RTN3: variants seen among roughly 807,000 people sequenced by gnomAD.
The protein encoded by RTN3 is reticulon 3, also known as reticulon-3.
In RTN3, 49 loss-of-function variants were observed where a neutral mutation model predicts 77.8. That is an observed-to-expected ratio of 0.63 (90% confidence interval 0.50 to 0.80). RTN3 has a LOEUF of 0.80. RTN3 is among the 30% of genes least tolerant of loss of function. The pLI, the probability that RTN3 is intolerant of heterozygous loss-of-function variation, is 0.00. For missense variants in RTN3, 1,236 were observed against 1,211.9 expected (o/e 1.02, Z -0.29); for synonymous variants, 464 against 446.9 (o/e 1.04, Z -0.48).
At chr11:63,757,155 C>T (rs774508216) in intron 8 of RTN3, among the ~76,000 whole-genome samples, 1 of 152,168 alleles carries the variant, frequency 6.6e-6, no homozygotes, top group Non-Finnish European at 1.5e-5. Flanking sequence ...AAATAAGTAA[C>T]TTAAGGATCA....
At chr11:63,708,422 C>G (rs540366577) in intron 2 of RTN3, among the ~76,000 whole-genome samples, 9 of 152,190 alleles carry the variant, frequency 5.9e-5, no homozygotes, top group African/African-American at 2.2e-4. Flanking sequence ...CCTTGGCTTC[C>G]CAAAGTGCTG....
chr11:63,742,659 A>G lies in RTN3; in HGVS notation c.2531-7332A>G, dbSNP rs516068. On this transcript the variant is annotated intron_variant, in intron 3 of 8. Transcript: ENST00000377819. ...AAACTCCATCACACACAAAAAAAAG[A>G]AAGGATTGTGATTAAAGTCGTGAAG... Among the ~76,000 whole-genome samples the G allele has an allele frequency of 6.6e-3, 1,003 of 152,168 alleles. 10 individuals carry two copies. Among genetic ancestry groups the G allele is most frequent in the African/African-American group, 0.023 (949 of 41,542 alleles).
Position 63,720,552 on chromosome 11 carries a change from T to A in RTN3, c.2050T>A (p.Phe684Ile), listed in dbSNP as rs199593292. Residue 684 changes from phenylalanine (F) to isoleucine (I), a missense_variant, in exon 3 of 9, where the codon TTT becomes ATT. By Grantham distance (21) the Phe-to-Ile change is conservative (BLOSUM62 0). Transcript: ENST00000377819. ...AGCAATATCAGAGAAGATGACAGAC[T>A]TTAAAACAACTCCTCCTGTAGAAGT... ...FKAISEKMTD[F>I]KTTPPVEVLH... is the part of the protein sequence containing the mutation. 1.7e-4 allele frequency: 272 copies of A among 1,613,990 alleles called. 3 individuals carry two copies. The highest frequency in any genetic ancestry group is 1.9e-5 in the Non-Finnish European group (23 of 1,180,022).
At chr11:63,744,682 A>C (rs2013694777) in intron 3 of RTN3, among the ~76,000 whole-genome samples, 1 of 152,166 alleles carries the variant, frequency 6.6e-6, no homozygotes, top group Admixed American at 6.6e-5. Flanking sequence ...AGGTACATGA[A>C]AATAAAAGAG....
chr11:63,691,872 G>T (rs1229441069), intron 1 of RTN3, among the ~76,000 whole-genome samples: 1 of 152,120 alleles, frequency 6.6e-6, no homozygotes, highest in Non-Finnish European at 1.5e-5. Flanking sequence ...ACAGCAGCTG[G>T]TATAAGCCTG....
At chr11:63,704,974 G>C in intron 2 of RTN3, 67 bp downstream of exon 2, 3 of 1,158,688 alleles carry the variant, frequency 2.6e-6, no homozygotes, top group South Asian at 2.4e-5. Flanking sequence ...TGTAACTGGG[G>C]ATACGAGGCA....
chr11:63,736,908 A>C (rs2013159225), intron 3 of RTN3, among the ~76,000 whole-genome samples: 1 of 151,962 alleles, frequency 6.6e-6, no homozygotes, highest in South Asian at 2.1e-4. Context: ...AGTTAGGGGC[A>C]GGGGAAAGTG....
At chr11:63,747,903 T>G (rs1227462538) in intron 3 of RTN3, among the ~76,000 whole-genome samples, 2 of 152,170 alleles carry the variant, frequency 1.3e-5, no homozygotes, top group African/African-American at 4.8e-5. Flanking sequence ...TACCAGGACT[T>G]AAACTCATGT....
chr11:63,698,354 G>A (rs1271695467), intron 1 of RTN3, among the ~76,000 whole-genome samples: 3 of 152,018 alleles, frequency 2.0e-5, no homozygotes, highest in Non-Finnish European at 4.4e-5. Flanking sequence ...TCAAACTGCT[G>A]AGGTCAAGCC....
At chr11:63,702,162 T>C (rs1197753856) in intron 1 of RTN3, among the ~76,000 whole-genome samples, 1 of 152,050 alleles carries the variant, frequency 6.6e-6, no homozygotes, top group Non-Finnish European at 1.5e-5. Context: ...GGAGTTAATA[T>C]GTAAAGTTCA....
At chr11:63,722,001 C>G (rs998106646) in intron 3 of RTN3, among the ~76,000 whole-genome samples, 2 of 151,976 alleles carry the variant, frequency 1.3e-5, no homozygotes, top group African/African-American at 4.8e-5. Flanking sequence ...TACCAGAAAC[C>G]CCTTCTCTTG....
At chr11:63,750,394 A>G in intron 4 of RTN3, 196 bp downstream of exon 4, 1 of 570,888 alleles carries the variant, frequency 1.8e-6, no homozygotes, top group Non-Finnish European at 3.1e-6. Context: ...GAACTTTTTG[A>G]CAAATTAGAG....
intron 3 of RTN3, among the ~76,000 whole-genome samples, chr11:63,741,943 C>T (rs572207053): frequency 4.0e-5 from 6 of 150,166 alleles, no homozygotes; most frequent in African/African-American, 1.2e-4. Flanking sequence ...TCATGTTAAT[C>T]TTCTAACTTT....
intron 8 of RTN3, 87 bp downstream of exon 8, chr11:63,756,257 A>G: frequency 1.2e-6 from 1 of 838,094 alleles, no homozygotes; most frequent in Non-Finnish European, 2.0e-6. Context: ...TGCAGATGCC[A>G]AGGAAAGTAA....
intron 2 of RTN3, among the ~76,000 whole-genome samples, chr11:63,705,765 A>G (rs1245694575): frequency 6.6e-6 from 1 of 152,224 alleles, no homozygotes; most frequent in Admixed American, 6.5e-5. Flanking sequence ...TTCTTGTCCT[A>G]GAGATTGAGT....
At chr11:63,743,816 T>A (rs1193750121) in intron 3 of RTN3, among the ~76,000 whole-genome samples, 1 of 152,006 alleles carries the variant, frequency 6.6e-6, no homozygotes, top group Non-Finnish European at 1.5e-5. Flanking sequence ...CTCAGGAAGC[T>A]GAGGCAGGAG....
At chr11:63,750,596 G>T (rs1460998946) in intron 4 of RTN3, among the ~76,000 whole-genome samples, 2 of 151,916 alleles carry the variant, frequency 1.3e-5, no homozygotes, top group African/African-American at 4.8e-5. Context: ...GGGATTACAG[G>T]CATGCGCCAC....
chr11:63,755,943 C>T (rs531236195), intron 7 of RTN3, among the ~76,000 whole-genome samples, 169 bp from the exon 8 acceptor site: 32 of 150,104 alleles, frequency 2.1e-4, no homozygotes, highest in Non-Finnish European at 4.1e-4. Flanking sequence ...TGGGCGAGAG[C>T]GAGGCTCCGT....
chr11:63,691,194 C>G (rs947318443), intron 1 of RTN3, among the ~76,000 whole-genome samples: 1 of 143,026 alleles, frequency 7.0e-6, no homozygotes, highest in Non-Finnish European at 1.5e-5. Context: ...GATCTCTGCT[C>G]ACTGCACCAT....
Sources: gnomAD v4.1 joint callset for allele counts (sites outside exome capture counted in the v4.1 genomes callset) on GRCh38, gnomAD v4.1.1 for gene constraint, MANE v1.5 for transcripts, NCBI Gene and HGNC (gene_info 2026-07-23, HGNC 2026-07-21) for gene names.